Variants in MFGE8 observed in about 807,000 individuals in gnomAD.
MFGE8 encodes the protein milk fat globule EGF and factor V/VIII domain containing, also known as lactadherin.
In MFGE8, 34 loss-of-function variants were observed where a neutral mutation model predicts 42.6. That is an observed-to-expected ratio of 0.80 (90% CI 0.61 to 1.06). MFGE8 has a LOEUF of 1.06. Ranked by LOEUF, MFGE8 falls within the 50% of genes least tolerant of loss-of-function variation. MFGE8 has a pLI of 0.00. For synonymous variants in MFGE8, 230 were observed against 214.8 expected, an observed-to-expected ratio of 1.07 and a Z score of -0.62; for missense variants, 510 against 516.9, an observed-to-expected ratio of 0.99 and a Z score of 0.13.
Position 88,906,820 on chromosome 15 carries a change from T to C in MFGE8, c.388-42A>G. 1 of 1,610,670 alleles carries C rather than the reference T, an allele frequency of 6.2e-7. No individual in the cohort carries two copies. Among genetic ancestry groups the C allele is most frequent in the Non-Finnish European group, 8.5e-7 (1 of 1,178,910 alleles). ...GGAGATGGCACCCTTATCTCCTGGG[T>C]TCTTTCCACTCAAGATCCAAGCAGA... On this transcript the variant is annotated intron_variant, in intron 3 of 7. Coordinates refer to ENST00000268150, the MANE Select transcript of MFGE8 (RefSeq NM_005928.4). The surrounding 1 kb of genome is among the most constrained non-coding windows in gnomAD (Gnocchi z 4.2).
rs759029626 is a variant in MFGE8, at chr15:88,907,221, T to G, written c.361A>C (p.Ser121Arg). The change falls in exon 3 of 8, where the codon AGC becomes CGC. Residue 121 changes from serine to arginine, a missense_variant. By Grantham distance (110) the Ser-to-Arg change is moderately radical. Transcript: ENST00000268150. ...AGMVNAWTPS[S>R]NDDNPWIQVN... Reference sequence around the variant, plus strand: ...TGGATCCAGGGGTTATCGTCATTGCTGCTGGGTGTCCAGGCATTGACCATG... The same window carrying G: ...TGGATCCAGGGGTTATCGTCATTGCGGCTGGGTGTCCAGGCATTGACCATG... The G allele has an allele frequency of 9.3e-6, 15 of 1,613,866 alleles. No individual in the cohort carries two copies. Among genetic ancestry groups the G allele is most frequent in the African/African-American group, 1.3e-5 (1 of 74,892 alleles).
intron 6 of MFGE8, among the ~76,000 whole-genome samples, chr15:88,901,224 T>TACAC (rs754991839): frequency 1.2e-5 from 1 of 82,084 alleles, no homozygotes; most frequent in Non-Finnish European, 2.8e-5. Flanking sequence ...CATTCACACA[T>TACAC]ACACATTCAC....
chr15:88,910,112 G>A, intron 1 of MFGE8, 189 bp from the exon 2 acceptor site: 2 of 673,678 alleles, frequency 3.0e-6, no homozygotes, highest in Admixed American at 2.3e-5. Context: ...TCCATGTGTA[G>A]GCGAATCGGC....
Position 88,906,677 on chromosome 15 carries a change from G to A in MFGE8, c.489C>T (p.Ser163=). The A allele has an allele frequency of 1.2e-6, 2 of 1,613,944 alleles. No individual in the cohort carries two copies. Among genetic ancestry groups the A allele is most frequent in the Non-Finnish European group, 1.7e-6 (2 of 1,179,974 alleles). The change falls in exon 4 of 8, where the codon AGC becomes AGT. Residue 163 remains serine, a synonymous_variant. Coordinates refer to ENST00000268150, the MANE Select transcript of MFGE8 (RefSeq NM_005928.4). The surrounding 1 kb of genome is among the most constrained non-coding windows in gnomAD (Gnocchi z 4.2). ...EYLKAFKVAY[S]LNGHEFDFIH... ...TGAAATCGAATTCGTGTCCATTAAG[G>A]CTGTAGGCCACCTTGAAGGCCTTCA...
At chr15:88,909,710 G>T in intron 2 of MFGE8, 82 bp downstream of exon 2, 2 of 1,602,808 alleles carry the variant, frequency 1.2e-6, no homozygotes, top group Non-Finnish European at 1.7e-6. Flanking sequence ...AGAGAATAAG[G>T]CCAGCATATG....
At chr15:88,909,023 G>A (rs958747274) in intron 2 of MFGE8, among the ~76,000 whole-genome samples, 2 of 152,142 alleles carry the variant, frequency 1.3e-5, no homozygotes, top group African/African-American at 4.8e-5. Flanking sequence ...CAGAAACCTA[G>A]GACCCCCCGC....
At chr15:88,910,171 A>G in intron 1 of MFGE8, 2 of 447,826 alleles carry the variant, frequency 4.5e-6, no homozygotes, top group East Asian at 4.8e-5. Flanking sequence ...GAGTGTCCAG[A>G]AAAGTGCTGG....
rs1898405158 is a variant in MFGE8, at chr15:88,901,275, AC to A, written c.870+275del. 3.2e-4 allele frequency among the ~76,000 whole-genome samples: 19 copies of A among 59,526 alleles called. 1 individual carries two copies. The South Asian group carries it at 9.8e-3, about 31-fold the overall frequency. The allele number at this position is 59,526 out of a possible 152,430, so 39.1% of individuals were successfully genotyped here. On this transcript the variant is annotated intron_variant, in intron 6 of 7. Coordinates refer to ENST00000268150, the MANE Select transcript of MFGE8 (RefSeq NM_005928.4). The stretch of plus-strand genomic sequence containing the variant: ...CACGCATTCACACGCACGCATTCAC[AC>A]ACACTCACATTCACACACATTCACA...
At chr15:88,912,611 A>G (rs890547291) in intron 1 of MFGE8, 1 of 985,334 alleles carries the variant, frequency 1.0e-6, no homozygotes, top group Non-Finnish European at 1.2e-6. Context: ...GGGAAGATAC[A>G]GCAGCCGGCC....
chr15:88,910,874 C>G (rs542070777), intron 1 of MFGE8: 2 of 152,196 alleles, frequency 1.3e-5, no homozygotes, highest in African/African-American at 4.8e-5. Context: ...CTTCACCCTC[C>G]TCACCATTGT....
Position 88,906,582 on chromosome 15 carries a change from G to A in MFGE8, c.540+44C>T. The A allele has an allele frequency of 6.2e-7, 1 of 1,611,352 alleles. No homozygotes were observed. Among genetic ancestry groups the A allele is most frequent in the Non-Finnish European group, 8.5e-7 (1 of 1,178,036 alleles). On this transcript the variant is annotated intron_variant, in intron 4 of 7. Transcript: ENST00000268150. The surrounding 1 kb of genome is among the most constrained non-coding windows in gnomAD (Gnocchi z 4.2). ...CCTCAGTCAATGCTAGAACCTTAGG[G>A]GGTATGGACCACAGCCCTTCTTTCG...
Position 88,899,038 on chromosome 15 carries a change from G to C in MFGE8, c.*357C>G, listed in dbSNP as rs902228557. On this transcript the variant is annotated 3_prime_UTR_variant, in exon 8 of 8. Coordinates refer to ENST00000268150, the MANE Select transcript of MFGE8 (RefSeq NM_005928.4). The surrounding 1 kb of genome is among the most constrained non-coding windows in gnomAD (Gnocchi z 6.8). ...CATGGGAATGTGATGTGTGAGAGAG[G>C]GGCTAGGAGAGACAGAGACACACGC... The C allele has an allele frequency of 1.1e-5, 4 of 360,400 alleles. No homozygotes were observed. The highest frequency in any genetic ancestry group is 2.1e-5 in the Non-Finnish European group (4 of 187,980). 22.3% of individuals were successfully genotyped at this position (360,400 alleles called of 1,614,324 possible). A position where few individuals can be genotyped will look rare whatever the true frequency, so the allele number is the denominator to read the frequency against.
In MFGE8 at chr15:88,906,664, C is replaced by T. The variant is rs769108892; in HGVS notation, c.502G>A (p.Glu168Lys). 44 of 1,613,904 alleles carry T rather than the reference C, an allele frequency of 2.7e-5. No homozygotes were observed. The highest frequency in any genetic ancestry group is 4.0e-5 in the African/African-American group (3 of 74,864). ...TTAACATCATGGATGAAATCGAATT[C>T]GTGTCCATTAAGGCTGTAGGCCACC... ...FKVAYSLNGH[E>K]FDFIHDVNKK... The change falls in exon 4 of 8, where the codon GAA becomes AAA. Residue 168 changes from glutamate to lysine, a missense_variant. Coordinates refer to ENST00000268150, the MANE Select transcript of MFGE8 (RefSeq NM_005928.4). This position sits in a 1 kb window ranked among gnomAD's most constrained non-coding sequence, Gnocchi z 4.2.
At chr15:88,912,158 T>C in intron 1 of MFGE8, 2 of 1,289,870 alleles carry the variant, frequency 1.6e-6, no homozygotes, top group South Asian at 1.2e-5. Context: ...TTCCTCCTTC[T>C]GGAAAAGGCC....
intron 1 of MFGE8, chr15:88,912,951 G>C (rs963194212): frequency 2.0e-6 from 2 of 985,440 alleles, no homozygotes; most frequent in Non-Finnish European, 2.4e-6. Flanking sequence ...CCAGGGAAAA[G>C]AGAGGCCCGA....
chr15:88,908,906 C>T (rs1267496875), intron 2 of MFGE8, among the ~76,000 whole-genome samples: 1 of 152,184 alleles, frequency 6.6e-6, no homozygotes, highest in Non-Finnish European at 1.5e-5. Context: ...CCCGCCCCCT[C>T]CTTCTGGAGG....
intron 2 of MFGE8, 67 bp from the exon 3 acceptor site, chr15:88,907,443 C>T (rs941825141): frequency 2.9e-5 from 42 of 1,456,406 alleles, no homozygotes; most frequent in Non-Finnish European, 3.5e-5. Context: ...TGGGACCCAG[C>T]GGACAAGAAA....
chr15:88,912,966 G>A, intron 1 of MFGE8: 1 of 985,452 alleles, frequency 1.0e-6, no homozygotes, highest in Non-Finnish European at 1.2e-6. Flanking sequence ...GCCCGACACA[G>A]CGGATTCCTT....
intron 1 of MFGE8, chr15:88,912,706 C>A (rs1211779124): frequency 5.1e-6 from 5 of 985,396 alleles, no homozygotes. Flanking sequence ...GGTCCCCTCC[C>A]GGGCCCCACT....
Sources: gnomAD v4.1 joint callset for allele counts (sites outside exome capture counted in the v4.1 genomes callset) on GRCh38, gnomAD v4.1.1 for gene constraint, Gnocchi (gnomAD v3.1) non-coding constraint, MANE v1.5 for transcripts, NCBI Gene and HGNC (gene_info 2026-07-23, HGNC 2026-07-21) for gene names.